The following GRXCR1 variants were observed in gnomAD, a reference collection of about 807,000 sequenced individuals.
GRXCR1 encodes the protein glutaredoxin and cysteine rich domain containing 1, also known as glutaredoxin domain-containing cysteine-rich protein 1.
In GRXCR1, 27 loss-of-function variants were observed where a neutral mutation model predicts 27.3. The observed-to-expected ratio is 0.99, with a 90% CI of 0.73 to 1.37. The LOEUF is 1.37. GRXCR1 is among the 40% of genes most tolerant of loss of function. The pLI is 0.00. For synonymous variants in GRXCR1, 122 were observed against 131.1 expected, an observed-to-expected ratio of 0.93 and a Z score of 0.47; for missense variants, 379 against 354.4, an observed-to-expected ratio of 1.07 and a Z score of -0.56.
chr4:42,972,499 C>T (rs369913153), intron 2 of GRXCR1, among the ~76,000 whole-genome samples: 3 of 152,106 alleles, frequency 2.0e-5, no homozygotes, highest in Admixed American at 6.6e-5. Flanking sequence ...TAAGCAGTTG[C>T]TTGTGTGATT....
At chr4:42,903,732 C>T (rs1011338331) in intron 1 of GRXCR1, among the ~76,000 whole-genome samples, 2 of 148,688 alleles carry the variant, frequency 1.3e-5, no homozygotes, top group Non-Finnish European at 3.0e-5. Context: ...TTTCCTGCTT[C>T]AGCTACTCAA....
chr4:43,023,277 GT>G (rs1713148997), intron 3 of GRXCR1, among the ~76,000 whole-genome samples: 2 of 152,152 alleles, frequency 1.3e-5, no homozygotes, highest in South Asian at 4.1e-4. Context: ...CTACATGGTA[GT>G]TTATGACCAC....
intron 3 of GRXCR1, among the ~76,000 whole-genome samples, chr4:43,026,270 G>T (rs969623692): frequency 1.3e-5 from 2 of 152,120 alleles, no homozygotes; most frequent in African/African-American, 4.8e-5. Flanking sequence ...ACCCAACTGG[G>T]TTTTCTTTGT....
intron 1 of GRXCR1, among the ~76,000 whole-genome samples, chr4:42,935,998 A>C (rs1458384486): frequency 2.6e-5 from 4 of 151,878 alleles, no homozygotes; most frequent in Non-Finnish European, 5.9e-5. Flanking sequence ...GTGAAAGAAC[A>C]CTTGTTGGCA....
intron 1 of GRXCR1, among the ~76,000 whole-genome samples, chr4:42,894,251 G>T (rs998183849): frequency 1.9e-4 from 29 of 152,144 alleles, no homozygotes; most frequent in Admixed American, 1.2e-3. Context: ...TACAGACTGA[G>T]ATCTAGATTT....
intron 1 of GRXCR1, among the ~76,000 whole-genome samples, chr4:42,899,480 G>C (rs1023060359): frequency 6.6e-5 from 10 of 151,896 alleles, no homozygotes; most frequent in African/African-American, 2.4e-4. Context: ...TTTCTTGTTG[G>C]TTTACCAGCC....
In GRXCR1 at chr4:43,020,307, A is replaced by G. The variant is rs141902852; in HGVS notation, c.628-47A>G. Reference sequence around the variant, plus strand: ...TCCTTGTTAGAACTTTATTTTCTCAAATACTAACAAAAATGGATTTTTCTC... The same window carrying G: ...TCCTTGTTAGAACTTTATTTTCTCAGATACTAACAAAAATGGATTTTTCTC... On this transcript the variant is annotated intron_variant, in intron 2 of 3. Transcript: ENST00000399770. 46 of 1,222,084 alleles carry G rather than the reference A, an allele frequency of 3.8e-5. No individual in the cohort carries two copies. The East Asian group carries it at 1.0e-3, about 28-fold the overall frequency. 75.7% of individuals were successfully genotyped at this position (1,222,084 alleles called of 1,614,324 possible).
intron 2 of GRXCR1, among the ~76,000 whole-genome samples, chr4:43,018,905 T>C (rs7662000): frequency 0.07 from 10,629 of 152,180 alleles, 1,135 homozygotes; most frequent in African/African-American, 0.23. Context: ...CAACTACCAA[T>C]AAATGAAGAG....
At chr4:42,939,391 C>A (rs946045337) in intron 1 of GRXCR1, among the ~76,000 whole-genome samples, 7 of 151,898 alleles carry the variant, frequency 4.6e-5, no homozygotes, top group Admixed American at 2.6e-4. Flanking sequence ...TCAGTTCTTA[C>A]CGTTTTTTGG....
intron 1 of GRXCR1, among the ~76,000 whole-genome samples, chr4:42,943,355 C>T (rs993208319): frequency 6.6e-6 from 1 of 152,068 alleles, no homozygotes; most frequent in Non-Finnish European, 1.5e-5. Context: ...GCCCACCCAG[C>T]TAGTTTAGTG....
intron 2 of GRXCR1, among the ~76,000 whole-genome samples, chr4:43,019,495 G>A (rs1421346419): frequency 2.6e-5 from 4 of 152,116 alleles, no homozygotes; most frequent in Non-Finnish European, 1.5e-5. Flanking sequence ...GAACGCCTAG[G>A]ACACAGTGAC....
chr4:42,951,442 G>T (rs1020087669), intron 1 of GRXCR1, among the ~76,000 whole-genome samples: 7 of 152,112 alleles, frequency 4.6e-5, no homozygotes, highest in Non-Finnish European at 1.0e-4. Context: ...GCTTGAGATT[G>T]GTTTTCTTTG....
Position 43,030,371 on chromosome 4 carries a change from A to T in GRXCR1, c.704A>T (p.His235Leu). The change falls in exon 4 of 4, where the codon CAT becomes CTT. Residue 235 changes from histidine (H) to leucine (L), a missense_variant. Coordinates refer to ENST00000399770, the MANE Select transcript of GRXCR1 (RefSeq NM_001080476.3). ...DILTKIERVQ[H>L]PHECPSCGGF... ...TGCCACCTTATACAGAGAGTACAGC[A>T]TCCACATGAGTGTCCCTCTTGTGGA... 6.2e-7 allele frequency: 1 copy of T among 1,613,632 alleles called. No individual in the cohort carries two copies. The highest frequency in any genetic ancestry group is 8.5e-7 in the Non-Finnish European group (1 of 1,179,880).
intron 2 of GRXCR1, among the ~76,000 whole-genome samples, chr4:42,979,717 T>G (rs952655985): frequency 2.6e-5 from 4 of 151,988 alleles, no homozygotes; most frequent in Admixed American, 2.0e-4. Flanking sequence ...GGAAGAGATT[T>G]TTTTGGTGTG....
chr4:42,909,200 C>T (rs1289621543), intron 1 of GRXCR1, among the ~76,000 whole-genome samples: 1 of 152,156 alleles, frequency 6.6e-6, no homozygotes, highest in Non-Finnish European at 1.5e-5. Context: ...GTGCATCTGC[C>T]ATACAGGGTA....
rs1746267422 is a variant in GRXCR1, at chr4:42,893,011, G to A, written c.-256G>A. On this transcript the variant is annotated 5_prime_UTR_variant, in exon 1 of 4. It removes an upstream start codon present in the reference 5' UTR. Coordinates refer to ENST00000399770, the MANE Select transcript of GRXCR1 (RefSeq NM_001080476.3). Reference sequence around the variant, plus strand: ...CTTGTCCTGTTAAAGAGTCCACCATGGCTATTTAATATTTAAAGGCTGAGA... The same window carrying A: ...CTTGTCCTGTTAAAGAGTCCACCATAGCTATTTAATATTTAAAGGCTGAGA... 6.6e-6 allele frequency among the ~76,000 whole-genome samples: 1 copy of A among 151,994 alleles called. No individual in the cohort carries two copies. The highest frequency in any genetic ancestry group is 6.6e-5 in the Admixed American group (1 of 15,258).
At chr4:43,007,176 C>G (rs781643817) in intron 2 of GRXCR1, among the ~76,000 whole-genome samples, 6 of 152,200 alleles carry the variant, frequency 3.9e-5, no homozygotes, top group Non-Finnish European at 7.4e-5. Context: ...GGATCTGAGA[C>G]TTAAAGCATT....
chr4:43,020,278 G>A lies in GRXCR1; in HGVS notation c.628-76G>A, dbSNP rs1713052440. ...CTGTGCTCAGTATTTTGTGGGTTAA[G>A]CTTTCCTTGTTAGAACTTTATTTTC... is the stretch of plus-strand genomic sequence containing the variant. On this transcript the variant is annotated intron_variant, in intron 2 of 3. Transcript: ENST00000399770. The A allele has an allele frequency of 6.4e-6, 6 of 937,998 alleles. No homozygotes were observed. In the South Asian group the frequency reaches 6.6e-5, roughly 10 times the overall value. The allele number at this position is 937,998 out of a possible 1,614,324, so 58.1% of individuals were successfully genotyped here. A position where few individuals can be genotyped will look rare whatever the true frequency, so the allele number is the denominator to read the frequency against.
intron 1 of GRXCR1, among the ~76,000 whole-genome samples, chr4:42,914,298 G>A (rs1043731655): frequency 5.9e-5 from 9 of 152,212 alleles, no homozygotes; most frequent in Non-Finnish European, 8.8e-5. Context: ...AAAGCCACAG[G>A]GGTGGAGCTG....
Sources: gnomAD v4.1 joint callset for allele counts (sites outside exome capture counted in the v4.1 genomes callset) on GRCh38, gnomAD v4.1.1 for gene constraint, MANE v1.5 for transcripts, NCBI Gene and HGNC (gene_info 2026-07-23, HGNC 2026-07-21) for gene names.